Variants in PARP4 observed in about 807,000 individuals in gnomAD.
PARP4 encodes the protein protein mono-ADP-ribosyltransferase PARP4.
PARP4 carries 120 observed loss-of-function variants against 187.7 expected under a neutral mutation model. The ratio of observed to expected loss-of-function variants is 0.64; its 90% CI spans 0.55 to 0.74. The LOEUF (loss-of-function observed/expected upper bound fraction) is 0.74, where lower values mean the gene tolerates loss of function less well. Ranked by LOEUF, PARP4 falls within the 30% of genes least tolerant of loss-of-function variation. The probability of loss-of-function intolerance (pLI) is 0.00; values close to 1 mark genes in which losing one functional copy is unlikely to be tolerated. For missense variants in PARP4, 1,836 were observed against 2,070.5 expected (o/e 0.89, Z 2.20); for synonymous variants, 654 against 740.9 (o/e 0.88, Z 1.90).
chr13:24,442,307 C>A (rs1294958651), intron 29 of PARP4, among the ~76,000 whole-genome samples: 1 of 152,238 alleles, frequency 6.6e-6, no homozygotes, highest in Non-Finnish European at 1.5e-5. Context: ...AAAACTGTAA[C>A]AAAATTATAG....
At chr13:24,494,992 C>T (rs1207660958) in intron 6 of PARP4, among the ~76,000 whole-genome samples, 1 of 152,136 alleles carries the variant, frequency 6.6e-6, no homozygotes, top group Non-Finnish European at 1.5e-5. Context: ...CTGCCTCAGC[C>T]TCCTGAGTAG....
intron 32 of PARP4, among the ~76,000 whole-genome samples, chr13:24,428,863 A>G (rs1212080429): frequency 6.7e-6 from 1 of 149,114 alleles, no homozygotes; most frequent in Non-Finnish European, 1.5e-5. Flanking sequence ...AGTTTGTTGG[A>G]TCTGGAAGGT....
At chr13:24,470,632 TA>T in intron 15 of PARP4, among the ~76,000 whole-genome samples, 1 of 152,186 alleles carries the variant, frequency 6.6e-6, no homozygotes, top group East Asian at 1.9e-4. Flanking sequence ...ATTTGAAAAT[TA>T]AGAAAAAACT....
rs1868597465 is a variant in PARP4 at position 24,490,771 on chromosome 13, A to G, written c.1111T>C (p.Ser371Pro). The G allele has an allele frequency of 6.2e-7, 1 of 1,614,070 alleles. No homozygotes were observed. The highest frequency in any genetic ancestry group is 1.1e-5 in the South Asian group (1 of 91,082). The change falls in exon 10 of 34, where the codon TCC becomes CCC. Residue 371 changes from serine to proline, a missense_variant. This residue lies in a region of PARP4 where 1,147 missense variants were observed against 1,214.2 expected (regional missense o/e 0.94). Transcript: ENST00000381989. ...ETNLSKPNPP[S>P]LAKYRALRCK... is the part of the protein sequence containing the mutation. ...CTCAAAGCTCGGTATTTGGCCAGGG[A>G]TGGTGGGTTGGGTTTGGACAAATTA...
intron 20 of PARP4, among the ~76,000 whole-genome samples, chr13:24,458,398 C>T (rs950183720): frequency 2.9e-4 from 44 of 151,322 alleles, no homozygotes; most frequent in Admixed American, 3.3e-4. Flanking sequence ...CATGAGCCAC[C>T]GCACTCAGCC....
intron 33 of PARP4, among the ~76,000 whole-genome samples, chr13:24,425,203 A>T (rs1429992224): frequency 6.7e-6 from 1 of 149,568 alleles, no homozygotes; most frequent in Non-Finnish European, 1.5e-5. Flanking sequence ...CAGGAGGCTG[A>T]GGTGGGAGGA....
chr13:24,492,051 C>T (rs2137531771), intron 9 of PARP4, among the ~76,000 whole-genome samples: 1 of 152,336 alleles, frequency 6.6e-6, no homozygotes, highest in African/African-American at 2.4e-5. Context: ...CCTGGGCCAG[C>T]AGGCAGCCCA....
chr13:24,435,084 C>A lies in PARP4; in HGVS notation c.4057G>T (p.Ala1353Ser), dbSNP rs1052223221. The A allele has an allele frequency of 1.2e-6, 2 of 1,614,022 alleles. No individual in the cohort carries two copies. The highest frequency in any genetic ancestry group is 1.7e-6 in the Non-Finnish European group (2 of 1,180,036). ...GCATCAAACTGTCTGGGAGGAGCAG[C>A]TGAACCGAAACTAGCTACCTGACGA... ...SYRQVASFGS[A>S]APPRQFDASQ... Residue 1353 changes from alanine to serine, a missense_variant, in exon 31 of 34, where the codon GCT becomes TCT. Physicochemically the swap from Ala to Ser is moderately conservative, Grantham distance 99. Transcript: ENST00000381989.
rs753015710 is a variant in PARP4 at position 24,455,194 on chromosome 13, G to C, written c.2581C>G (p.Gln861Glu). 94 of 1,593,422 alleles carry C rather than the reference G, an allele frequency of 5.9e-5. No individual in the cohort carries two copies. The highest frequency in any genetic ancestry group is 7.3e-5 in the Non-Finnish European group (85 of 1,163,676). ...GGGAGGTCGACATCGAGATCGGGTT[G>C]AAAGACAAGCATGCAAGCCTGAAAG... ...KESEACMLVF[Q>E]PDLDVDLPDL... The change falls in exon 22 of 34, where the codon CAA becomes GAA. Residue 861 changes from glutamine (Q) to glutamate (E), a missense_variant. Transcript: ENST00000381989.
chr13:24,436,747 G>GTT (rs1228657443), intron 30 of PARP4, among the ~76,000 whole-genome samples: 1 of 152,120 alleles, frequency 6.6e-6, no homozygotes, highest in East Asian at 1.9e-4. Context: ...AAAGTTGCAT[G>GTT]TATAAAATCC....
chr13:24,506,131 G>A (rs1401413564), intron 1 of PARP4, among the ~76,000 whole-genome samples: 6 of 152,192 alleles, frequency 3.9e-5, no homozygotes, highest in South Asian at 2.1e-4. Flanking sequence ...CTTAAAGGCG[G>A]CGCGTCCGAA....
intron 1 of PARP4, among the ~76,000 whole-genome samples, chr13:24,504,521 A>G (rs990221241): frequency 2.0e-5 from 3 of 151,808 alleles, no homozygotes; most frequent in South Asian, 2.1e-4. Flanking sequence ...CACCATGTTG[A>G]CCAGGCTGGG....
chr13:24,461,484 T>C (rs1195984388), intron 17 of PARP4, among the ~76,000 whole-genome samples: 1 of 152,102 alleles, frequency 6.6e-6, no homozygotes, highest in African/African-American at 2.4e-5. Flanking sequence ...CGAACTGAAT[T>C]CCAAAGAGGG....
intron 17 of PARP4, among the ~76,000 whole-genome samples, chr13:24,468,435 G>A (rs1243555675): frequency 1.5e-4 from 20 of 129,636 alleles, no homozygotes; most frequent in African/African-American, 5.1e-4. Context: ...ATGGAGTTTC[G>A]CTCTTGTTGC....
At chr13:24,501,560 T>C (rs1869282966) in intron 3 of PARP4, 73 bp downstream of exon 3, 5 of 956,634 alleles carry the variant, frequency 5.2e-6, no homozygotes, top group Admixed American at 2.0e-5. Flanking sequence ...TCTCTGCCTA[T>C]GGTATCTTTG....
intron 21 of PARP4, among the ~76,000 whole-genome samples, chr13:24,455,995 C>T (rs1415214499): frequency 7.9e-5 from 12 of 152,100 alleles, no homozygotes; most frequent in Admixed American, 7.9e-4. Context: ...TTATTACCAA[C>T]CACAAATAAC....
chr13:24,427,380 T>TG (rs1278134617), intron 32 of PARP4, among the ~76,000 whole-genome samples: 2 of 150,682 alleles, frequency 1.3e-5, no homozygotes, highest in Non-Finnish European at 3.0e-5. Flanking sequence ...CTTTTTTTTT[T>TG]TTTTTTTGGA....
At chr13:24,476,263 G>A (rs1474103078) in intron 14 of PARP4, among the ~76,000 whole-genome samples, 1 of 151,744 alleles carries the variant, frequency 6.6e-6, no homozygotes, top group Admixed American at 6.6e-5. Context: ...ACAGACATGT[G>A]CTCTTCTGCC....
rs1873550430 is a variant in PARP4 at position 24,486,274 on chromosome 13, T to C, written c.1246A>G (p.Arg416Gly). ...KSPVDVLQIF[R>G]VGRVNETTEF... Reference sequence around the variant, plus strand: ...GTGGTTTCATTCACTCTGCCAACTCTAAATATCTGCAAGACATCCACTGGG... The same window carrying C: ...GTGGTTTCATTCACTCTGCCAACTCCAAATATCTGCAAGACATCCACTGGG... Residue 416 changes from arginine to glycine, a missense_variant, in exon 11 of 34, where the codon AGA (arginine) becomes GGA (glycine). Arg to Gly is a moderately radical substitution (Grantham distance 125, BLOSUM62 -2). This residue lies in a region of PARP4 where 1,147 missense variants were observed against 1,214.2 expected (regional missense o/e 0.94). Transcript: ENST00000381989. 1 of 1,605,968 alleles carries C rather than the reference T, an allele frequency of 6.2e-7. No individual in the cohort carries two copies. Among genetic ancestry groups the C allele is most frequent in the African/African-American group, 1.3e-5 (1 of 74,836 alleles).
Sources: gnomAD v4.1 joint callset for allele counts (sites outside exome capture counted in the v4.1 genomes callset) on GRCh38, gnomAD v4.1.1 for gene constraint, gnomAD v4.1.1 regional missense constraint, MANE v1.5 for transcripts, NCBI Gene and HGNC (gene_info 2026-07-23, HGNC 2026-07-21) for gene names.